PLA2R1: variants seen among roughly 807,000 people sequenced by gnomAD.
PLA2R1 encodes the protein secretory phospholipase A2 receptor.
A neutral mutation model predicts 195.9 loss-of-function variants in PLA2R1; 158 were observed. The ratio of observed to expected loss-of-function variants is 0.81; its 90% CI spans 0.71 to 0.92. The LOEUF (loss-of-function observed/expected upper bound fraction) is 0.92. Ranked by LOEUF, PLA2R1 falls within the 40% of genes least tolerant of loss-of-function variation. The probability of loss-of-function intolerance (pLI) is 0.00; values close to 1 mark genes in which losing one functional copy is unlikely to be tolerated. For missense variants in PLA2R1, 1,626 were observed against 1,764.6 expected, an observed-to-expected ratio of 0.92 and a Z score of 1.41; for synonymous variants, 586 against 598.2, an observed-to-expected ratio of 0.98 and a Z score of 0.30.
chr2:159,969,181 G>A, intron 19 of PLA2R1, 75 bp downstream of exon 19: 1 of 716,000 alleles, frequency 1.4e-6, no homozygotes, highest in Non-Finnish European at 2.4e-6. Context: ...TGGAAATGAT[G>A]CAAGGAAAAG....
rs577612267 is a variant in PLA2R1 at position 159,973,720 on chromosome 2, C to G, written c.2595+2348G>C. Among the ~76,000 whole-genome samples, 3 of 152,260 alleles carry G rather than the reference C, an allele frequency of 2.0e-5. No individual in the cohort carries two copies. In the South Asian group the frequency reaches 6.2e-4, roughly 32 times the overall value. ...AGCCTGAAAAGACTAGGACAGTCCC[C>G]TGGCCCTGTTCTCAGTATTCAAATC... is the stretch of plus-strand genomic sequence containing the variant. On this transcript the variant is annotated intron_variant, in intron 17 of 29. Transcript: ENST00000283243.
intron 23 of PLA2R1, among the ~76,000 whole-genome samples, chr2:159,954,529 T>C (rs972428979): frequency 6.6e-6 from 1 of 151,380 alleles, no homozygotes. Context: ...TATATATATA[T>C]ATAAATATAT....
chr2:160,021,947 C>A (rs889796009), intron 7 of PLA2R1, among the ~76,000 whole-genome samples: 2 of 152,080 alleles, frequency 1.3e-5, no homozygotes, highest in Non-Finnish European at 2.9e-5. Context: ...AGATAAGCAG[C>A]CCACAGGGTT....
At position 159,987,275 on chromosome 2, in the gene PLA2R1, T is replaced by C; in HGVS notation, c.1918A>G (p.Met640Val). 6.2e-7 allele frequency: 1 copy of C among 1,613,332 alleles called. No homozygotes were observed. Among genetic ancestry groups the C allele is most frequent in the Non-Finnish European group, 8.5e-7 (1 of 1,179,908 alleles). Residue 640 changes from methionine to valine, a missense_variant, in exon 12 of 30, where the codon ATG becomes GTG. Transcript: ENST00000283243. ...TCAACTGGCTGCTTGCACAAGGACA[T>C]TGCCTTAAAGTGCCGACAGTGCTTC... ...EVKHCRHFKAMSLCKQPVENQ... is the reference protein window; with the variant it reads ...EVKHCRHFKAVSLCKQPVENQ...
At chr2:160,031,166 G>T (rs1693826788) in intron 4 of PLA2R1, among the ~76,000 whole-genome samples, 1 of 152,140 alleles carries the variant, frequency 6.6e-6, no homozygotes, top group East Asian at 1.9e-4. Flanking sequence ...ACTTACAAAA[G>T]CTTTTAAGTG....
In PLA2R1 at chr2:159,977,406, GA is replaced by G. The variant is rs746487311; in HGVS notation, c.2278del (p.Ser760ArgfsTer3). 2.5e-6 allele frequency: 4 copies of G among 1,612,684 alleles called. No individual in the cohort carries two copies. The Admixed American group carries it at 6.7e-5, about 27-fold the overall frequency. ...TCCAAAATAAGTGTTGTCTAAAAAC[GA>G]AGAGACAACCTGCAGCAGATGAAGT... ...EWSDRTPVVSSFLDNTYFGED... is the reference protein window; with the variant it reads ...EWSDRTPVVSXFLDNTYFGED... On this transcript the variant is annotated frameshift_variant, in exon 15 of 30. Coordinates refer to ENST00000283243, the MANE Select transcript of PLA2R1 (RefSeq NM_007366.5). LOFTEE classifies it high-confidence loss of function.
At chr2:159,986,292 G>A (rs185837570) in intron 12 of PLA2R1, among the ~76,000 whole-genome samples, 2 of 152,308 alleles carry the variant, frequency 1.3e-5, no homozygotes, top group East Asian at 1.9e-4. Flanking sequence ...CAACTGGTAA[G>A]TGCGATGCAA....
At chr2:159,952,839 G>C (rs1687835165) in intron 23 of PLA2R1, among the ~76,000 whole-genome samples, 1 of 152,152 alleles carries the variant, frequency 6.6e-6, no homozygotes, top group African/African-American at 2.4e-5. Context: ...GTGGGAAACT[G>C]ACCTTTATCT....
chr2:159,948,795 T>C (rs183076075), intron 25 of PLA2R1, among the ~76,000 whole-genome samples: 2 of 152,328 alleles, frequency 1.3e-5, no homozygotes, highest in Non-Finnish European at 2.9e-5. Context: ...TGTTATTTGA[T>C]ACAGTACCCA....
chr2:159,967,166 C>T (rs1688842416), intron 20 of PLA2R1, among the ~76,000 whole-genome samples: 1 of 152,064 alleles, frequency 6.6e-6, no homozygotes, highest in African/African-American at 2.4e-5. Flanking sequence ...CAGGCACATA[C>T]ATACACGTGC....
At chr2:159,950,482 T>A (rs1257064608) in intron 24 of PLA2R1, among the ~76,000 whole-genome samples, 5 of 152,240 alleles carry the variant, frequency 3.3e-5, no homozygotes, top group Non-Finnish European at 7.3e-5. Flanking sequence ...GCATTGTTTA[T>A]AACTGTGAAA....
rs1021788591 is a variant in PLA2R1, at chr2:160,062,243, C to A, written c.109+52G>T. 5 of 1,305,676 alleles carry A rather than the reference C, an allele frequency of 3.8e-6. No individual in the cohort carries two copies. The African/African-American group carries it at 6.3e-5, about 16-fold the overall frequency. 80.9% of individuals were successfully genotyped at this position (1,305,676 alleles called of 1,614,324 possible). ...CCCTTCTTCCTCTCCTTCGACCACC[C>A]CGACCCCCCTCCCCAACGTACCGAT... On this transcript the variant is annotated intron_variant, in intron 1 of 29. Transcript: ENST00000283243.
At chr2:160,017,842 C>A (rs761869451) in intron 8 of PLA2R1, among the ~76,000 whole-genome samples, 1 of 152,102 alleles carries the variant, frequency 6.6e-6, no homozygotes, top group Non-Finnish European at 1.5e-5. Context: ...AAAAATACAA[C>A]GTCCAGGGCT....
intron 17 of PLA2R1, 89 bp from the exon 18 acceptor site, chr2:159,970,301 T>C: frequency 2.5e-6 from 2 of 789,062 alleles, no homozygotes; most frequent in Admixed American, 5.0e-5. Context: ...TAGCTTTCTA[T>C]TCTTCAGTAT....
chr2:160,029,244 T>C (rs977140501), intron 4 of PLA2R1, among the ~76,000 whole-genome samples: 2 of 152,226 alleles, frequency 1.3e-5, no homozygotes, highest in South Asian at 4.1e-4. Flanking sequence ...CATGGTTGCA[T>C]ACTTGAGGCC....
At chr2:159,931,531 G>A (rs11690178), downstream of PLA2R1, among the ~76,000 whole-genome samples, 132,265 of 152,128 alleles carry the variant, frequency 0.87, 59,168 homozygotes, top group East Asian at 1. Context: ...ATACACATTT[G>A]GGGCTTGCAC....
At chr2:159,930,786 G>A (rs1358448488), downstream of PLA2R1, among the ~76,000 whole-genome samples, 1 of 152,174 alleles carries the variant, frequency 6.6e-6, no homozygotes, top group African/African-American at 2.4e-5. Flanking sequence ...CTTTGGAAGT[G>A]CAAGTCCCTT....
At chr2:160,006,944 T>G (rs1692025682) in intron 10 of PLA2R1, among the ~76,000 whole-genome samples, 1 of 152,152 alleles carries the variant, frequency 6.6e-6, no homozygotes, top group African/African-American at 2.4e-5. Flanking sequence ...AAGTAAAAAT[T>G]TTAAGTGCCT....
intron 3 of PLA2R1, among the ~76,000 whole-genome samples, chr2:160,035,430 A>C (rs1186494859): frequency 6.6e-6 from 1 of 152,186 alleles, no homozygotes; most frequent in Non-Finnish European, 1.5e-5. Context: ...TAGCCCCTGT[A>C]TCCCAACAAG....
Sources: gnomAD v4.1 joint callset for allele counts (sites outside exome capture counted in the v4.1 genomes callset) on GRCh38, gnomAD v4.1.1 for gene constraint, MANE v1.5 for transcripts, NCBI Gene and HGNC (gene_info 2026-07-23, HGNC 2026-07-21) for gene names.